The following CBFA2T3 variants were observed in gnomAD, a reference collection of about 807,000 sequenced individuals.
The protein encoded by CBFA2T3 is transcriptional corepressor CBFA2T3.
Under a neutral mutation model 58.6 loss-of-function variants are expected in CBFA2T3, and 31 were observed. That is an observed-to-expected ratio of 0.53 (90% CI 0.40 to 0.71). The LOEUF (loss-of-function observed/expected upper bound fraction) is 0.71. CBFA2T3 is among the 30% of genes least tolerant of loss of function. The probability of loss-of-function intolerance (pLI) is 0.00; values close to 1 mark genes in which losing one functional copy is unlikely to be tolerated. For missense variants in CBFA2T3, 1,076 were observed against 963.1 expected, an observed-to-expected ratio of 1.12 and a Z score of -1.55; for synonymous variants, 531 against 421.9, an observed-to-expected ratio of 1.26 and a Z score of -3.17.
At chr16:88,960,854 G>A (rs975758364) in intron 1 of CBFA2T3, among the ~76,000 whole-genome samples, 25 of 152,250 alleles carry the variant, frequency 1.6e-4, no homozygotes, top group Non-Finnish European at 3.4e-4. Context: ...CCATCACAGG[G>A]AGGTCTGCCA....
At chr16:88,884,825 C>T (rs756065754) in intron 7 of CBFA2T3, 7 of 467,008 alleles carry the variant, frequency 1.5e-5, no homozygotes, top group Non-Finnish European at 2.3e-5. Flanking sequence ...GGCCCGAGGC[C>T]GCCCACCCCG....
chr16:88,902,751 G>A (rs1252073244), intron 1 of CBFA2T3, among the ~76,000 whole-genome samples: 2 of 152,204 alleles, frequency 1.3e-5, no homozygotes, highest in Admixed American at 6.5e-5. Context: ...GCTATCCGTG[G>A]CTGAGACTTC....
rs1972264429 is a variant in CBFA2T3, at chr16:88,958,064, C to A, written c.151+18593G>T. 6.6e-6 allele frequency among the ~76,000 whole-genome samples: 1 copy of A among 152,198 alleles called. No individual in the cohort carries two copies. The highest frequency in any genetic ancestry group is 2.1e-4 in the South Asian group (1 of 4,836). ...AACGAAAGTACCTGTGAGCTGCTCACAATCCCTCGCTCACAGAGAGGCCAC... is the reference window on the plus strand; with the variant it reads ...AACGAAAGTACCTGTGAGCTGCTCAAAATCCCTCGCTCACAGAGAGGCCAC... On this transcript the variant is annotated intron_variant, in intron 1 of 11. Coordinates refer to ENST00000268679, the MANE Select transcript of CBFA2T3 (RefSeq NM_005187.6). This position sits in a 1 kb window ranked among gnomAD's most constrained non-coding sequence, Gnocchi z 4.0.
At chr16:88,909,073 A>C (rs72815509) in intron 1 of CBFA2T3, among the ~76,000 whole-genome samples, 192 of 152,110 alleles carry the variant, frequency 1.3e-3, no homozygotes, top group Admixed American at 2.2e-3. Flanking sequence ...GCAGGGGAGG[A>C]GGAGGGCATG....
chr16:88,887,514 G>A (rs930000584), intron 5 of CBFA2T3, among the ~76,000 whole-genome samples: 1 of 152,186 alleles, frequency 6.6e-6, no homozygotes, highest in Non-Finnish European at 1.5e-5. Context: ...GCTTCTGGAA[G>A]GCCTGACCCT....
chr16:88,907,587 G>A (rs1970381346), intron 1 of CBFA2T3, among the ~76,000 whole-genome samples: 1 of 152,250 alleles, frequency 6.6e-6, no homozygotes, highest in South Asian at 2.1e-4. Flanking sequence ...CAGAGAGGCT[G>A]AGGAGGGGGA....
chr16:88,957,086 A>C (rs898910259), intron 1 of CBFA2T3, among the ~76,000 whole-genome samples: 1 of 152,174 alleles, frequency 6.6e-6, no homozygotes, highest in Non-Finnish European at 1.5e-5. Flanking sequence ...CTCCCGGAAC[A>C]AAACCGCCCT....
At chr16:88,946,561 C>A (rs1567627819) in intron 1 of CBFA2T3, among the ~76,000 whole-genome samples, 1 of 151,988 alleles carries the variant, frequency 6.6e-6, no homozygotes, top group Non-Finnish European at 1.5e-5. Flanking sequence ...TGGCTCACTG[C>A]AACCTCTGCC....
intron 5 of CBFA2T3, among the ~76,000 whole-genome samples, chr16:88,889,632 C>T (rs980406314): frequency 2.0e-5 from 3 of 152,042 alleles, no homozygotes; most frequent in African/African-American, 7.3e-5. Flanking sequence ...GCAGTGCCTA[C>T]ACTACACCTT....
At chr16:88,898,387 G>A (rs1338116596) in intron 2 of CBFA2T3, among the ~76,000 whole-genome samples, 9 of 152,020 alleles carry the variant, frequency 5.9e-5, no homozygotes, top group African/African-American at 1.7e-4. Context: ...CCGGGCCGCC[G>A]TTTCCTGCTT....
At chr16:88,900,986 G>C (rs543364562) in intron 2 of CBFA2T3, among the ~76,000 whole-genome samples, 31 of 152,390 alleles carry the variant, frequency 2.0e-4, no homozygotes, top group African/African-American at 7.5e-4. Flanking sequence ...TGCTCAGCCG[G>C]GCTGTGGAGC....
At chr16:88,922,140 C>G (rs1433302094) in intron 1 of CBFA2T3, among the ~76,000 whole-genome samples, 1 of 152,240 alleles carries the variant, frequency 6.6e-6, no homozygotes. Flanking sequence ...CTGCGCCACA[C>G]TTTGGGTGGG....
rs528484373 is a variant in CBFA2T3 at position 88,927,581 on chromosome 16, C to A, written c.152-25925G>T. Among the ~76,000 whole-genome samples the A allele has an allele frequency of 2.0e-4, 30 of 152,304 alleles. 1 individual carries two copies. In the South Asian group the frequency reaches 6.0e-3, roughly 31 times the overall value. On this transcript the variant is annotated intron_variant, in intron 1 of 11. Coordinates refer to ENST00000268679, the MANE Select transcript of CBFA2T3 (RefSeq NM_005187.6). ...CCATGGGGGCCACGCCACCCAGGTA[C>A]CAGCCTGGCATGCAGCCTGCAGGTG...
At chr16:88,923,924 T>C (rs1411509713) in intron 1 of CBFA2T3, among the ~76,000 whole-genome samples, 2 of 152,100 alleles carry the variant, frequency 1.3e-5, no homozygotes, top group African/African-American at 4.8e-5. Flanking sequence ...CTTTGGAGCA[T>C]AGATCACCAC....
intron 1 of CBFA2T3, among the ~76,000 whole-genome samples, chr16:88,929,689 GCTGCGTGGTCCACGC>G (rs1971214366): frequency 6.7e-6 from 1 of 150,062 alleles, no homozygotes; most frequent in African/African-American, 2.5e-5. Flanking sequence ...AATACCCACA[GCTGCGTGGTCCACGC>G]AAAAACTACC....
chr16:88,895,262 C>T (rs1969838787), intron 3 of CBFA2T3, among the ~76,000 whole-genome samples: 1 of 152,182 alleles, frequency 6.6e-6, no homozygotes, highest in Admixed American at 6.5e-5. Context: ...TCTAAGTGTC[C>T]CTCCAGTAAC....
intron 1 of CBFA2T3, among the ~76,000 whole-genome samples, chr16:88,915,705 G>GGGGGGAGCGTGGA (rs1342880065): frequency 1.0e-5 from 1 of 98,482 alleles, no homozygotes; most frequent in African/African-American, 4.0e-5. Context: ...GAGCGTGGAC[G>GGGGGGAGCGTGGA]GGGGGAGCGT....
chr16:88,928,642 G>A (rs1190580046), intron 1 of CBFA2T3, among the ~76,000 whole-genome samples: 1 of 152,182 alleles, frequency 6.6e-6, no homozygotes, highest in African/African-American at 2.4e-5. Flanking sequence ...AGGCAAGACA[G>A]GGTGCCTGTG....
chr16:88,929,630 C>T (rs570058606), intron 1 of CBFA2T3, among the ~76,000 whole-genome samples: 16 of 120,608 alleles, frequency 1.3e-4, no homozygotes, highest in South Asian at 7.9e-4. Context: ...GCATCATCCA[C>T]GCAAAAACTA....
Sources: allele counts gnomAD v4.1 joint callset (sites outside exome capture counted in the v4.1 genomes callset), GRCh38; gene constraint gnomAD v4.1.1; non-coding constraint Gnocchi (gnomAD v3.1); transcripts MANE v1.5; gene names NCBI Gene and HGNC (gene_info 2026-07-23, HGNC 2026-07-21).